CHUK: variants seen among roughly 807,000 people sequenced by gnomAD.
CHUK encodes the protein component of inhibitor of nuclear factor kappa B kinase complex, also known as inhibitor of nuclear factor kappa-B kinase subunit alpha.
Under a neutral mutation model 104.8 loss-of-function variants are expected in CHUK, and 35 were observed. The ratio of observed to expected loss-of-function variants is 0.33; its 90% CI spans 0.26 to 0.44. The LOEUF (loss-of-function observed/expected upper bound fraction) is 0.44. CHUK is among the 20% of genes least tolerant of loss of function. The pLI is 1.00. For missense variants in CHUK, 663 were observed against 902.7 expected, an observed-to-expected ratio of 0.73 and a Z score of 3.40; for synonymous variants, 276 against 291.9, an observed-to-expected ratio of 0.95 and a Z score of 0.56.
At position 100,194,115 on chromosome 10, in the gene CHUK, T is replaced by TA; in HGVS notation, c.1842dup (p.Lys615Ter). 6.2e-7 allele frequency: 1 copy of TA among 1,613,642 alleles called. No homozygotes were observed. The highest frequency in any genetic ancestry group is 8.5e-7 in the Non-Finnish European group (1 of 1,179,944). On this transcript the variant is annotated frameshift_variant, in exon 18 of 21. Transcript: ENST00000370397. LOFTEE classifies it high-confidence loss of function. ...GGGAGTAGATCAATAATCTTCTGCT[T>TA]ACAGCCCAACAACTTGCTGGAGAGA...
Position 100,189,603 on chromosome 10 carries a change from C to T in CHUK, c.2233G>A (p.Glu745Lys). The T allele has an allele frequency of 6.2e-7, 1 of 1,612,016 alleles. No individual in the cohort carries two copies. Reference sequence around the variant, plus strand: ...GACAGTGAACAAGTGACAACTCATTCTGTTAACCAACTCCAATCAAGATTC... The same window carrying T: ...GACAGTGAACAAGTGACAACTCATTTTGTTAACCAACTCCAATCAAGATTC... ...MMNLDWSWLT[E>K] Residue 745 changes from glutamate to lysine, a missense_variant, in exon 21 of 21, where the codon GAA becomes AAA. Physicochemically the swap from Glu to Lys is moderately conservative, Grantham distance 56. This residue lies in a region of CHUK where 311 missense variants were observed against 393.4 expected (regional missense o/e 0.79). Transcript: ENST00000370397.
intron 12 of CHUK, 131 bp downstream of exon 12, chr10:100,204,945 G>T: frequency 9.4e-7 from 1 of 1,065,322 alleles, no homozygotes; most frequent in Non-Finnish European, 1.4e-6. Context: ...AAGTTTATCA[G>T]AACATTACAC....
rs1352287582 is a variant in CHUK at position 100,218,763 on chromosome 10, TCTC to T, written c.749_751del (p.Gly250del). On this transcript the variant is annotated inframe_deletion, in exon 8 of 21. Coordinates refer to ENST00000370397, the MANE Select transcript of CHUK (RefSeq NM_001278.5). The stretch of plus-strand genomic sequence containing the variant: ...AGGTAAATGGCTACTAAACCGAACT[TCTC>T]CTGACATCTCTTCACATGCAAATAT... The T allele has an allele frequency of 1.2e-6, 2 of 1,613,802 alleles. No individual in the cohort carries two copies. Among genetic ancestry groups the T allele is most frequent in the South Asian group, 1.1e-5 (1 of 91,082 alleles).
intron 13 of CHUK, among the ~76,000 whole-genome samples, chr10:100,202,713 A>AT (rs1236288347): frequency 6.6e-6 from 1 of 152,106 alleles, no homozygotes; most frequent in Non-Finnish European, 1.5e-5. Flanking sequence ...TTTTCTTAAA[A>AT]ATATATATAT....
At position 100,229,582 on chromosome 10, in the gene CHUK, T is replaced by A. The variant is rs1846192424; in HGVS notation, c.-50A>T. On this transcript the variant is annotated 5_prime_UTR_variant, in exon 1 of 21. Coordinates refer to ENST00000370397, the MANE Select transcript of CHUK (RefSeq NM_001278.5). ...GGTTCCACAGTTGTTCCAAGGCCGGTTCCGGGCCGCCGATGCTCGCGCGTC... is the reference window on the plus strand; with the variant it reads ...GGTTCCACAGTTGTTCCAAGGCCGGATCCGGGCCGCCGATGCTCGCGCGTC... The A allele has an allele frequency of 1.7e-6, 2 of 1,179,996 alleles. No homozygotes were observed. The highest frequency in any genetic ancestry group is 2.7e-4 in the Middle Eastern group (1 of 3,646). The allele number at this position is 1,179,996 out of a possible 1,614,324, so 73.1% of individuals were successfully genotyped here. A position where few individuals can be genotyped will look rare whatever the true frequency, so the allele number is the denominator to read the frequency against.
intron 20 of CHUK, chr10:100,190,666 A>G: frequency 3.4e-6 from 2 of 582,744 alleles, no homozygotes; most frequent in Admixed American, 2.9e-5. Flanking sequence ...ATTATTGAAG[A>G]TAATTGATGA....
intron 10 of CHUK, 65 bp from the exon 11 acceptor site, chr10:100,207,397 T>C: frequency 2.5e-6 from 2 of 799,206 alleles, no homozygotes; most frequent in Non-Finnish European, 4.4e-6. Context: ...GTTTTCTAAA[T>C]ACTTATGCAC....
chr10:100,214,498 TTGAAA>T (rs1845807689), intron 9 of CHUK, among the ~76,000 whole-genome samples: 1 of 152,120 alleles, frequency 6.6e-6, no homozygotes, highest in East Asian at 1.9e-4. Flanking sequence ...GAGCTAAACT[TTGAAA>T]TGAAAGACTG....
At chr10:100,215,049 A>G (rs951498066) in intron 9 of CHUK, among the ~76,000 whole-genome samples, 5 of 152,050 alleles carry the variant, frequency 3.3e-5, no homozygotes, top group African/African-American at 1.2e-4. Context: ...AGCCTGGCCA[A>G]CATGGTGAAA....
At chr10:100,195,355 G>A (rs1845300478) in intron 16 of CHUK, 1 of 152,058 alleles carries the variant, frequency 6.6e-6, no homozygotes, top group Non-Finnish European at 1.5e-5. Context: ...GACTACTTTT[G>A]TTACCCCCAT....
intron 19 of CHUK, among the ~76,000 whole-genome samples, chr10:100,192,049 C>T (rs942799344): frequency 3.9e-5 from 6 of 152,142 alleles, no homozygotes; most frequent in South Asian, 4.1e-4. Flanking sequence ...ATCTGGGAGG[C>T]GGAGGTTGCA....
intron 4 of CHUK, 135 bp downstream of exon 4, chr10:100,221,977 T>G (rs1430831065): frequency 1.6e-6 from 1 of 610,788 alleles, no homozygotes; most frequent in East Asian, 2.9e-5. Context: ...GTAATAGATT[T>G]TTATAACTTC....
intron 8 of CHUK, among the ~76,000 whole-genome samples, chr10:100,218,442 G>A (rs1024335847): frequency 1.3e-5 from 2 of 152,188 alleles, no homozygotes; most frequent in African/African-American, 4.8e-5. Context: ...TTAAATGGCA[G>A]TTCTTGTTTC....
intron 16 of CHUK, among the ~76,000 whole-genome samples, chr10:100,196,394 T>G (rs1264201862): frequency 1.3e-5 from 2 of 151,272 alleles, no homozygotes; most frequent in African/African-American, 2.4e-5. Context: ...GGTTTTTTTT[T>G]TTTTTTTTTT....
intron 10 of CHUK, among the ~76,000 whole-genome samples, chr10:100,207,809 T>A (rs1845624611): frequency 6.6e-6 from 1 of 152,138 alleles, no homozygotes; most frequent in African/African-American, 2.4e-5. Flanking sequence ...TTAATGGAAA[T>A]GTTTTTAAGC....
At chr10:100,210,345 C>T (rs937654298) in intron 9 of CHUK, among the ~76,000 whole-genome samples, 1 of 151,942 alleles carries the variant, frequency 6.6e-6, no homozygotes, top group Non-Finnish European at 1.5e-5. Flanking sequence ...CCTCGGCCTC[C>T]CAAAGTGCTG....
At position 100,218,134 on chromosome 10, in the gene CHUK, GA is replaced by G; in HGVS notation, c.798-5del. 6.2e-7 allele frequency: 1 copy of G among 1,606,244 alleles called. No individual in the cohort carries two copies. Among genetic ancestry groups the G allele is most frequent in the Non-Finnish European group, 8.5e-7 (1 of 1,172,884 alleles). ...TTCCATGGGTTCTACTACTAAACTA[GA>G]AAACATACAAAATAGGGTGAAAATC... On this transcript the variant is annotated splice_polypyrimidine_tract_variant and splice_region_variant and intron_variant, in intron 8 of 20. Transcript: ENST00000370397.
At chr10:100,222,303 C>T in intron 3 of CHUK, 122 bp from the exon 4 acceptor site, 1 of 656,594 alleles carries the variant, frequency 1.5e-6, no homozygotes. Context: ...TAATAAAATA[C>T]AAGGGAATAA....
chr10:100,191,934 C>G (rs576753209), intron 19 of CHUK, among the ~76,000 whole-genome samples: 3 of 152,272 alleles, frequency 2.0e-5, no homozygotes, highest in Non-Finnish European at 4.4e-5. Context: ...GCCTGGCCAA[C>G]ATGGTGAAAC....
Sources: gnomAD v4.1 joint callset for allele counts (sites outside exome capture counted in the v4.1 genomes callset) on GRCh38, gnomAD v4.1.1 for gene constraint, gnomAD v4.1.1 regional missense constraint, MANE v1.5 for transcripts, NCBI Gene and HGNC (gene_info 2026-07-23, HGNC 2026-07-21) for gene names.